Variants in PI4K2B observed in about 807,000 individuals in gnomAD.
The protein encoded by PI4K2B is phosphatidylinositol 4-kinase type 2 beta.
A neutral mutation model predicts 56.6 loss-of-function variants in PI4K2B; 46 were observed. The ratio of observed to expected loss-of-function variants is 0.81; its 90% CI spans 0.64 to 1.04. The LOEUF (loss-of-function observed/expected upper bound fraction) is 1.04, where lower values mean the gene tolerates loss of function less well. PI4K2B is among the 50% of genes least tolerant of loss of function. PI4K2B has a pLI of 0.00. For synonymous variants in PI4K2B, 211 were observed against 223.8 expected (o/e 0.94, Z 0.51); for missense variants, 556 against 607.7 (o/e 0.91, Z 0.89).
At position 25,267,948 on chromosome 4, in the gene PI4K2B, C is replaced by T. The variant is rs867082483; in HGVS notation, c.1079-495C>T. The stretch of plus-strand genomic sequence containing the variant: ...GTGGTATTCAATCTGTGCCCGGGTG[C>T]GGTGATATGCATCTGTAGTTCCAGC... On this transcript the variant is annotated intron_variant, in intron 7 of 9. Coordinates refer to ENST00000264864, the MANE Select transcript of PI4K2B (RefSeq NM_018323.4). 7.0e-5 allele frequency: 49 copies of T among 697,684 alleles called. No homozygotes were observed. In the Middle Eastern group the frequency reaches 2.2e-3, roughly 31 times the overall value. 43.2% of individuals were successfully genotyped at this position (697,684 alleles called of 1,614,324 possible).
At chr4:25,240,915 C>T (rs901870387) in intron 1 of PI4K2B, among the ~76,000 whole-genome samples, 1 of 152,164 alleles carries the variant, frequency 6.6e-6, no homozygotes, top group African/African-American at 2.4e-5. Flanking sequence ...GTCTCTTCCT[C>T]TCTGTCTCTT....
Position 25,254,213 on chromosome 4 carries a change from G to A in PI4K2B, c.424-852G>A, listed in dbSNP as rs143212231. Among the ~76,000 whole-genome samples, 241 of 152,262 alleles carry A rather than the reference G, an allele frequency of 1.6e-3. 2 individuals carry two copies. Among genetic ancestry groups the A allele is most frequent in the African/African-American group, 5.6e-3 (234 of 41,540 alleles). ...GATTAGTTAATTTAACAAATACTTG[G>A]ATGTCCACTGTTCATCAGATACTGT... On this transcript the variant is annotated intron_variant, in intron 2 of 9. Coordinates refer to ENST00000264864, the MANE Select transcript of PI4K2B (RefSeq NM_018323.4).
In PI4K2B at chr4:25,256,517, C is replaced by T. The variant is rs202142905; in HGVS notation, c.625-26C>T. 6.5e-5 allele frequency: 104 copies of T among 1,598,150 alleles called. No individual in the cohort carries two copies. In the African/African-American group the frequency reaches 1.2e-3, roughly 19 times the overall value. ...GAGATACTATAATGCAAATTCTAAC[C>T]ATTTTTCTGAATTGTATGTTTCTAG... On this transcript the variant is annotated intron_variant, in intron 3 of 9. Transcript: ENST00000264864.
chr4:25,242,451 C>T (rs1311896882), intron 1 of PI4K2B, among the ~76,000 whole-genome samples: 1 of 152,166 alleles, frequency 6.6e-6, no homozygotes, highest in Non-Finnish European at 1.5e-5. Context: ...AGTCAGAGTG[C>T]AGGGGAATAC....
intron 9 of PI4K2B, chr4:25,276,799 T>TTGTGTG (rs200843512): frequency 8.3e-6 from 8 of 965,698 alleles, no homozygotes; most frequent in Non-Finnish European, 9.8e-6. Flanking sequence ...TTAATGCTAA[T>TTGTGTG]TGTGTGTGTG....
chr4:25,277,218 T>G lies in PI4K2B; in HGVS notation c.*31T>G. The stretch of plus-strand genomic sequence containing the variant: ...GTCAGAGTAAGAGAAACAAACTGTT[T>G]AGAATTATCATGTTTTTAAAACATC... On this transcript the variant is annotated 3_prime_UTR_variant, in exon 10 of 10. Coordinates refer to ENST00000264864, the MANE Select transcript of PI4K2B (RefSeq NM_018323.4). The G allele has an allele frequency of 6.4e-7, 1 of 1,563,594 alleles. No homozygotes were observed. Among genetic ancestry groups the G allele is most frequent in the Non-Finnish European group, 8.7e-7 (1 of 1,146,322 alleles).
chr4:25,275,469 G>T (rs563387404), intron 9 of PI4K2B, among the ~76,000 whole-genome samples: 37 of 152,182 alleles, frequency 2.4e-4, no homozygotes, highest in African/African-American at 8.2e-4. Flanking sequence ...TTCAAGACCA[G>T]TCTGGGCAAC....
At chr4:25,259,399 G>A (rs1304923250) in intron 5 of PI4K2B, among the ~76,000 whole-genome samples, 5 of 152,124 alleles carry the variant, frequency 3.3e-5, no homozygotes, top group African/African-American at 4.8e-5. Flanking sequence ...TCCTAGATCA[G>A]TTCCTGTCCC....
intron 1 of PI4K2B, among the ~76,000 whole-genome samples, chr4:25,235,320 A>ATGTTGTG (rs1202217485): frequency 6.6e-6 from 1 of 152,232 alleles, no homozygotes; most frequent in Non-Finnish European, 1.5e-5. Flanking sequence ...TTATCGCTTC[A>ATGTTGTG]CACATGACAA....
At chr4:25,248,040 T>C (rs571835088) in intron 1 of PI4K2B, among the ~76,000 whole-genome samples, 57 of 152,284 alleles carry the variant, frequency 3.7e-4, no homozygotes, top group African/African-American at 1.3e-3. Context: ...ATATTCTGGT[T>C]AGTGAGTAAG....
chr4:25,249,905 G>A (rs1715976243), intron 1 of PI4K2B, among the ~76,000 whole-genome samples: 2 of 152,260 alleles, frequency 1.3e-5, no homozygotes, highest in Admixed American at 6.5e-5. Context: ...CCGAGATCAC[G>A]CCACTGCACT....
At chr4:25,249,434 C>CA (rs1560370497) in intron 1 of PI4K2B, among the ~76,000 whole-genome samples, 8 of 142,990 alleles carry the variant, frequency 5.6e-5, no homozygotes, top group South Asian at 2.4e-4. Flanking sequence ...GCTGGCCGGG[C>CA]GGGGGCTGCC....
intron 1 of PI4K2B, among the ~76,000 whole-genome samples, chr4:25,238,928 ACTGATTGGTCTGTTTTACAGAGAG>A (rs1560365191): frequency 1.3e-5 from 2 of 151,494 alleles, no homozygotes; most frequent in East Asian, 1.9e-4. Context: ...TTTACAGAGC[ACTGATTGGTCTGTTTTACAGAGAG>A]CTGATTGGTC....
intron 1 of PI4K2B, among the ~76,000 whole-genome samples, chr4:25,235,843 T>C (rs952047703): frequency 6.6e-6 from 1 of 152,004 alleles, no homozygotes; most frequent in Non-Finnish European, 1.5e-5. Flanking sequence ...CAAACAGTAT[T>C]AAGGCTAGAA....
chr4:25,264,089 T>A (rs1475967955), intron 7 of PI4K2B, among the ~76,000 whole-genome samples: 1 of 152,152 alleles, frequency 6.6e-6, no homozygotes, highest in East Asian at 1.9e-4. Context: ...GGAAAATGAG[T>A]TTAGTAGTGT....
intron 1 of PI4K2B, among the ~76,000 whole-genome samples, chr4:25,248,583 G>T (rs1287787271): frequency 7.2e-6 from 1 of 139,554 alleles, no homozygotes; most frequent in Non-Finnish European, 1.6e-5. Flanking sequence ...GTCCAAAAGA[G>T]TGACATGATG....
rs906208090 is a variant in PI4K2B, at chr4:25,277,318, G to A, written c.*131G>A. 4.6e-6 allele frequency: 5 copies of A among 1,092,194 alleles called. No homozygotes were observed. The African/African-American group carries it at 7.8e-5, about 17-fold the overall frequency. 67.7% of individuals were successfully genotyped at this position (1,092,194 alleles called of 1,614,324 possible). ...TTAAGTCTTTAAAAGGTTGTATTTT[G>A]AATGTAACCAAAAGTTTACAGTTTT... On this transcript the variant is annotated 3_prime_UTR_variant, in exon 10 of 10. Coordinates refer to ENST00000264864, the MANE Select transcript of PI4K2B (RefSeq NM_018323.4).
At chr4:25,272,850 A>C (rs935892649) in intron 9 of PI4K2B, among the ~76,000 whole-genome samples, 1 of 152,094 alleles carries the variant, frequency 6.6e-6, no homozygotes, top group African/African-American at 2.4e-5. Context: ...GCAACAGAGA[A>C]AGACCTTGTC....
At chr4:25,244,700 G>T (rs1162114664) in intron 1 of PI4K2B, among the ~76,000 whole-genome samples, 2 of 152,096 alleles carry the variant, frequency 1.3e-5, no homozygotes, top group African/African-American at 2.4e-5. Context: ...TGCAGTTTTG[G>T]TTTGTTTTGT....
Sources: allele counts gnomAD v4.1 joint callset (sites outside exome capture counted in the v4.1 genomes callset), GRCh38; gene constraint gnomAD v4.1.1; transcripts MANE v1.5; gene names NCBI Gene and HGNC (gene_info 2026-07-23, HGNC 2026-07-21).